MAU2: variants seen among roughly 807,000 people sequenced by gnomAD.
The protein encoded by MAU2 is MAU2 sister chromatid cohesion factor.
MAU2 carries 9 observed loss-of-function variants against 89.1 expected under a neutral mutation model. That is an observed-to-expected ratio of 0.10 (90% CI 0.06 to 0.18). The LOEUF is 0.18. MAU2 is among the 10% of genes least tolerant of loss of function. The probability of loss-of-function intolerance (pLI) is 1.00; values close to 1 mark genes in which losing one functional copy is unlikely to be tolerated. For synonymous variants in MAU2, 357 were observed against 343.4 expected, an observed-to-expected ratio of 1.04 and a Z score of -0.44; for missense variants, 425 against 803.5, an observed-to-expected ratio of 0.53 and a Z score of 5.69.
rs1364682264 is a variant in MAU2 at position 19,345,573 on chromosome 19, G to A, written c.1221+204G>A. Among the ~76,000 whole-genome samples, 1 of 152,220 alleles carries A rather than the reference G, an allele frequency of 6.6e-6. No individual in the cohort carries two copies. Among genetic ancestry groups the A allele is most frequent in the African/African-American group, 2.4e-5 (1 of 41,458 alleles). On this transcript the variant is annotated intron_variant, in intron 12 of 18. Transcript: ENST00000262815. This position sits in a 1 kb window ranked among gnomAD's most constrained non-coding sequence, Gnocchi z 4.9. Reference sequence around the variant, plus strand: ...ATAAGGGACAGCTATGGGGCCAGGGGCTTCCTGAGCTGACCCAAGGGCAGA... The same window carrying A: ...ATAAGGGACAGCTATGGGGCCAGGGACTTCCTGAGCTGACCCAAGGGCAGA...
At chr19:19,346,707 C>T (rs530007364) in intron 12 of MAU2, among the ~76,000 whole-genome samples, 1 of 152,264 alleles carries the variant, frequency 6.6e-6, no homozygotes, top group East Asian at 1.9e-4. Flanking sequence ...TAGATTGGAC[C>T]CTCTCTTGAC....
intron 1 of MAU2, among the ~76,000 whole-genome samples, chr19:19,328,515 G>A (rs1338003530): frequency 6.6e-6 from 1 of 151,010 alleles, no homozygotes; most frequent in Non-Finnish European, 1.5e-5. Context: ...TCCGTCTCCC[G>A]GGTTCATGCC....
intron 6 of MAU2, 32 bp downstream of exon 6, chr19:19,340,905 C>A: frequency 1.2e-6 from 2 of 1,612,382 alleles, no homozygotes; most frequent in South Asian, 1.1e-5. Context: ...CTGGATGCAG[C>A]TGGTGTTGTG....
intron 5 of MAU2, chr19:19,339,826 C>CATGAGGT (rs1209307722): frequency 1.1e-4 from 17 of 151,656 alleles, no homozygotes; most frequent in African/African-American, 3.9e-4. Flanking sequence ...GAGTTTGAGA[C>CATGAGGT]CAGCCTGGCC....
At chr19:19,340,164 C>CAAA (rs1253222446) in intron 5 of MAU2, among the ~76,000 whole-genome samples, 1 of 83,976 alleles carries the variant, frequency 1.2e-5, no homozygotes, top group Non-Finnish European at 2.4e-5. Flanking sequence ...GACTCCATCT[C>CAAA]AAAAAAAAAA....
intron 13 of MAU2, chr19:19,348,648 G>A (rs2061714967): frequency 1.9e-5 from 12 of 622,776 alleles, no homozygotes; most frequent in Non-Finnish European, 3.2e-5. Context: ...CCTTCTGGAC[G>A]CCCAGGCCCC....
At chr19:19,354,215 A>T in intron 16 of MAU2, 140 bp from the exon 17 acceptor site, 4 of 679,700 alleles carry the variant, frequency 5.9e-6, no homozygotes, top group Non-Finnish European at 1.1e-5. Context: ...TAAGCATAGG[A>T]GTTCACCAGA....
chr19:19,354,834 C>T (rs111983455), intron 17 of MAU2, among the ~76,000 whole-genome samples: 7 of 152,302 alleles, frequency 4.6e-5, no homozygotes, highest in African/African-American at 1.4e-4. Flanking sequence ...TTGCTGTTAC[C>T]GCAGCTCCCC....
At chr19:19,340,362 G>A (rs1223098087) in intron 5 of MAU2, among the ~76,000 whole-genome samples, 6 of 150,782 alleles carry the variant, frequency 4.0e-5, no homozygotes, top group Non-Finnish European at 5.9e-5. Flanking sequence ...AAAACAGGCC[G>A]GGCGCGGTGG....
intron 1 of MAU2, among the ~76,000 whole-genome samples, chr19:19,329,956 ATTATTTAT>A (rs139674702): frequency 0.02 from 3,074 of 151,118 alleles, 107 homozygotes; most frequent in African/African-American, 0.07. Context: ...TGTCTTTTTA[ATTATTTAT>A]TTATTTATTT....
rs140881831 is a variant in MAU2 at position 19,338,020 on chromosome 19, A to C, written c.456+755A>C. Among the ~76,000 whole-genome samples the C allele has an allele frequency of 1.4e-3, 218 of 152,222 alleles. 2 individuals carry two copies. Among genetic ancestry groups the C allele is most frequent in the Admixed American group, 3.7e-3 (57 of 15,298 alleles). On this transcript the variant is annotated intron_variant, in intron 4 of 18. Coordinates refer to ENST00000262815, the MANE Select transcript of MAU2 (RefSeq NM_015329.4). ...GGCCGGCCCCCGGCCTCTCTCTTCC[A>C]TGACCCAGCCTGCCTTCCGGGCCAC... is the stretch of plus-strand genomic sequence containing the variant.
intron 2 of MAU2, 83 bp from the exon 3 acceptor site, chr19:19,336,039 G>C (rs1297946113): frequency 1.0e-6 from 1 of 984,204 alleles, no homozygotes; most frequent in East Asian, 2.4e-5. Context: ...TGCAGACCTT[G>C]GCAGGGTAGG....
chr19:19,347,034 G>C, intron 12 of MAU2: 1 of 511,410 alleles, frequency 2.0e-6, no homozygotes, highest in South Asian at 2.4e-5. Flanking sequence ...CTGAGGGTAG[G>C]ATTGGGGTGG....
At chr19:19,354,727 G>A (rs1479977068) in intron 17 of MAU2, 1 of 482,636 alleles carries the variant, frequency 2.1e-6, no homozygotes, top group Non-Finnish European at 3.8e-6. Context: ...GGCGCTCTCA[G>A]CCTTGCTTCT....
intron 1 of MAU2, among the ~76,000 whole-genome samples, chr19:19,327,588 G>A (rs1005555181): frequency 1.3e-5 from 2 of 152,082 alleles, no homozygotes; most frequent in African/African-American, 2.4e-5. Flanking sequence ...ACCTGCCAAA[G>A]TGCTGGGATT....
chr19:19,329,210 C>T lies in MAU2; in HGVS notation c.277-6508C>T, dbSNP rs557459714. The stretch of plus-strand genomic sequence containing the variant: ...ATCACAACTGTGTCCTGCTAAATTC[C>T]GTGTCCCATCTGCAGGGAGCAGAGA... On this transcript the variant is annotated intron_variant, in intron 1 of 18. Transcript: ENST00000262815. 120 of 439,236 alleles carry T rather than the reference C, an allele frequency of 2.7e-4. 2 individuals carry two copies. Among genetic ancestry groups the T allele is most frequent in the South Asian group, 1.4e-3 (89 of 62,324 alleles). The allele number at this position is 439,236 out of a possible 1,614,324, so 27.2% of individuals were successfully genotyped here.
chr19:19,334,493 C>G (rs1161812488), intron 1 of MAU2: 1 of 985,872 alleles, frequency 1.0e-6, no homozygotes, highest in Non-Finnish European at 1.2e-6. Context: ...ATCTCCAGCC[C>G]CAAGGCTGCC....
intron 6 of MAU2, 97 bp from the exon 7 acceptor site, chr19:19,341,155 G>C: frequency 7.1e-7 from 1 of 1,407,302 alleles, no homozygotes; most frequent in African/African-American, 1.4e-5. Flanking sequence ...ATTGGTGGCA[G>C]CAGTCCCAGG....
intron 1 of MAU2, among the ~76,000 whole-genome samples, chr19:19,325,728 C>T (rs919037007): frequency 1.3e-5 from 2 of 152,222 alleles, no homozygotes; most frequent in Non-Finnish European, 2.9e-5. Context: ...ATCTGCCCGC[C>T]TCAGCCTCCC....
Sources: allele counts gnomAD v4.1 joint callset (sites outside exome capture counted in the v4.1 genomes callset), GRCh38; gene constraint gnomAD v4.1.1; non-coding constraint Gnocchi (gnomAD v3.1); transcripts MANE v1.5; gene names NCBI Gene and HGNC (gene_info 2026-07-23, HGNC 2026-07-21).